CAPN8: variants seen among roughly 807,000 people sequenced by gnomAD.
CAPN8 encodes the protein calpain 8.
Under a neutral mutation model 80.9 loss-of-function variants are expected in CAPN8, and 87 were observed. That is an observed-to-expected ratio of 1.07 (90% CI 0.90 to 1.28). CAPN8 has a LOEUF of 1.28. Among genes scored for constraint, CAPN8 ranks in the 50% most tolerant of loss-of-function variants. The probability of loss-of-function intolerance (pLI) is 0.00; values close to 1 mark genes in which losing one functional copy is unlikely to be tolerated. For synonymous variants in CAPN8, 299 were observed against 273.8 expected, an observed-to-expected ratio of 1.09 and a Z score of -0.91; for missense variants, 757 against 702.0, an observed-to-expected ratio of 1.08 and a Z score of -0.89.
Position 223,626,601 on chromosome 1 carries a change from G to C in CAPN8, c.729+388C>G, listed in dbSNP as rs114640237. Among the ~76,000 whole-genome samples, 848 of 152,230 alleles carry C rather than the reference G, an allele frequency of 5.6e-3. 8 individuals carry two copies. Among genetic ancestry groups the C allele is most frequent in the African/African-American group, 0.019 (798 of 41,526 alleles). On this transcript the variant is annotated intron_variant, in intron 5 of 20. Transcript: ENST00000366872. ...CTTGTCTTTTCTTCAGGGATCTCAA[G>C]ATCCATCAGGTATCATCAATCATCA... is the stretch of plus-strand genomic sequence containing the variant.
intron 14 of CAPN8, among the ~76,000 whole-genome samples, chr1:223,551,898 T>C (rs989159631): frequency 1.3e-5 from 2 of 152,302 alleles, no homozygotes; most frequent in East Asian, 1.9e-4. Flanking sequence ...GGAGTTGGTA[T>C]TTCACATAGG....
At chr1:223,629,653 G>A (rs565164738) in intron 2 of CAPN8, among the ~76,000 whole-genome samples, 23 of 152,200 alleles carry the variant, frequency 1.5e-4, no homozygotes, top group Non-Finnish European at 2.9e-4. Flanking sequence ...CATCCTAGAA[G>A]TGACGTAACT....
chr1:223,660,844 G>A (rs535376566), intron 1 of CAPN8, among the ~76,000 whole-genome samples: 2 of 152,192 alleles, frequency 1.3e-5, no homozygotes, highest in East Asian at 3.9e-4. Flanking sequence ...AAGCAGCAGT[G>A]AAATAAAAAA....
chr1:223,612,805 G>A (rs1657065753), intron 10 of CAPN8, among the ~76,000 whole-genome samples: 1 of 152,184 alleles, frequency 6.6e-6, no homozygotes, highest in Admixed American at 6.5e-5. Context: ...AGTGATATTA[G>A]GGAATGAAGA....
At chr1:223,627,192 A>G in intron 4 of CAPN8, 35 bp from the exon 5 acceptor site, 1 of 1,548,546 alleles carries the variant, frequency 6.5e-7, no homozygotes, top group Admixed American at 2.0e-5. Context: ...CTCCATTAGC[A>G]CCCTCAGCAA....
chr1:223,630,408 C>T (rs576924210), intron 2 of CAPN8, among the ~76,000 whole-genome samples: 1 of 152,228 alleles, frequency 6.6e-6, no homozygotes, highest in African/African-American at 2.4e-5. Context: ...GCCATCATGG[C>T]TCACTGCAGC....
intron 2 of CAPN8, among the ~76,000 whole-genome samples, chr1:223,648,948 C>T (rs1183124021): frequency 6.6e-6 from 1 of 152,166 alleles, no homozygotes; most frequent in Non-Finnish European, 1.5e-5. Flanking sequence ...AAGCTCATCT[C>T]ACTCATGAAT....
chr1:223,628,867 G>A, intron 2 of CAPN8, 87 bp from the exon 3 acceptor site: 2 of 1,066,990 alleles, frequency 1.9e-6, no homozygotes, highest in East Asian at 5.3e-5. Flanking sequence ...TCAACCCAGA[G>A]TCCACGTTGC....
chr1:223,619,399 C>T lies in CAPN8; in HGVS notation c.1029G>A (p.Leu343=), dbSNP rs1194785374. Residue 343 remains leucine, a synonymous_variant, in exon 9 of 21, where the codon CTG becomes CTA. Coordinates refer to ENST00000366872, the MANE Select transcript of CAPN8 (RefSeq NM_001143962.2). ...CCTCGCTACTCAGAGAGTCCGGGGA[C>T]AGGTTGCAGATCTCCAACCGAGAGA... ...RQFSRLEICN[L]SPDSLSSEEV... The T allele has an allele frequency of 1.3e-6, 2 of 1,551,634 alleles. No individual in the cohort carries two copies. The highest frequency in any genetic ancestry group is 8.7e-7 in the Non-Finnish European group (1 of 1,146,996).
Position 223,654,393 on chromosome 1 carries a change from A to C in CAPN8, c.244T>G (p.Cys82Gly). The C allele has an allele frequency of 1.3e-6, 2 of 1,551,738 alleles. No individual in the cohort carries two copies. The highest frequency in any genetic ancestry group is 1.7e-6 in the Non-Finnish European group (2 of 1,146,970). ...GIIWKRPTEL[C>G]PSPQFIVGGA... ...CCAACGATAAACTGAGGGCTGGGAC[A>C]CAACTCCTGAAAGTAATTTGGAACA... Residue 82 changes from cysteine to glycine, a missense_variant, in exon 2 of 21, where the codon TGT (cysteine) becomes GGT (glycine). Physicochemically the swap from Cys to Gly is radical, Grantham distance 159. Transcript: ENST00000366872.
At position 223,547,258 on chromosome 1, in the gene CAPN8, CTG is replaced by C. The variant is rs543746484; in HGVS notation, c.1765-1961_1765-1960del. On this transcript the variant is annotated intron_variant, in intron 16 of 20. Coordinates refer to ENST00000366872, the MANE Select transcript of CAPN8 (RefSeq NM_001143962.2). ...AGCACTTTGTAGGACATGTGAAAGACTGTATTTTTAAACTGTATTTTTAACAC... is the reference window on the plus strand; with the variant it reads ...AGCACTTTGTAGGACATGTGAAAGACTATTTTTAAACTGTATTTTTAACAC... Among the ~76,000 whole-genome samples, 64 of 152,210 alleles carry C rather than the reference CTG, an allele frequency of 4.2e-4. No individual in the cohort carries two copies. In the East Asian group the frequency reaches 6.0e-3, roughly 14 times the overall value.
intron 8 of CAPN8, 44 bp downstream of exon 8, chr1:223,620,148 A>C: frequency 6.7e-7 from 1 of 1,485,522 alleles, no homozygotes; most frequent in Non-Finnish European, 9.2e-7. Flanking sequence ...CTGAAAATGG[A>C]CCCATCACCA....
chr1:223,629,016 C>G (rs998387793), intron 2 of CAPN8: 6 of 511,056 alleles, frequency 1.2e-5, no homozygotes, highest in African/African-American at 1.2e-4. Flanking sequence ...GCCCCCTCCC[C>G]CACATGCTGA....
chr1:223,553,294 G>A (rs1293137171), intron 14 of CAPN8, among the ~76,000 whole-genome samples: 1 of 152,184 alleles, frequency 6.6e-6, no homozygotes, highest in Non-Finnish European at 1.5e-5. Context: ...TTCTTTCTCT[G>A]CTCCAAGTGC....
intron 4 of CAPN8, among the ~76,000 whole-genome samples, chr1:223,627,517 T>C (rs533952169): frequency 2.2e-4 from 33 of 152,098 alleles, no homozygotes; most frequent in Admixed American, 5.2e-4. Flanking sequence ...TGCTGGGAAA[T>C]AGAACTGGAA....
At chr1:223,552,782 T>C (rs948522421) in intron 14 of CAPN8, among the ~76,000 whole-genome samples, 2 of 152,082 alleles carry the variant, frequency 1.3e-5, no homozygotes, top group African/African-American at 2.4e-5. Context: ...TACTGCCCCA[T>C]GCAGCCAGAG....
intron 2 of CAPN8, among the ~76,000 whole-genome samples, chr1:223,636,800 C>G (rs565523037): frequency 8.3e-6 from 1 of 120,858 alleles, no homozygotes; most frequent in Admixed American, 8.9e-5. Context: ...CTTGAGTAGT[C>G]GATCACTAGT....
intron 8 of CAPN8, among the ~76,000 whole-genome samples, 193 bp downstream of exon 8, chr1:223,619,999 A>T (rs1282498538): frequency 6.6e-6 from 1 of 152,212 alleles, no homozygotes; most frequent in Non-Finnish European, 1.5e-5. Flanking sequence ...GAGGGCCTAG[A>T]TATCATGGTT....
chr1:223,640,656 C>T (rs1029998392), intron 2 of CAPN8, among the ~76,000 whole-genome samples: 2 of 152,150 alleles, frequency 1.3e-5, no homozygotes, highest in African/African-American at 4.8e-5. Context: ...TCCCATCCTC[C>T]TCCCTAACAT....
Sources: allele counts gnomAD v4.1 joint callset (sites outside exome capture counted in the v4.1 genomes callset), GRCh38; gene constraint gnomAD v4.1.1; transcripts MANE v1.5; gene names NCBI Gene and HGNC (gene_info 2026-07-23, HGNC 2026-07-21).